Variants in SYK observed in about 807,000 individuals in gnomAD.
SYK encodes tyrosine-protein kinase SYK.
In SYK, 16 loss-of-function variants were observed where a neutral mutation model predicts 77.8. The ratio of observed to expected loss-of-function variants is 0.21; its 90% confidence interval spans 0.14 to 0.31. The LOEUF is 0.31. SYK is among the 10% of genes least tolerant of loss of function. The pLI is 1.00. For synonymous variants in SYK, 312 were observed against 308.7 expected (o/e 1.01, Z -0.11); for missense variants, 529 against 814.4 (o/e 0.65, Z 4.26).
At chr9:90,851,794 C>A (rs1826833853) in intron 3 of SYK, among the ~76,000 whole-genome samples, 1 of 152,126 alleles carries the variant, frequency 6.6e-6, no homozygotes, top group South Asian at 2.1e-4. Context: ...AATTATATAT[C>A]CCTTCCCCAA....
rs961235368 is a variant in SYK, at chr9:90,855,093, G to A, written c.579-7113G>A. Among the ~76,000 whole-genome samples, 3 of 151,678 alleles carry A rather than the reference G, an allele frequency of 2.0e-5. No individual in the cohort carries two copies. The East Asian group carries it at 5.8e-4, about 29-fold the overall frequency. ...TGTGGACCTGTGCACAACCTGTGGG[G>A]CCCAACTTAAAGTACTGCATCCATT... On this transcript the variant is annotated intron_variant, in intron 3 of 13. Coordinates refer to ENST00000375754, the MANE Select transcript of SYK (RefSeq NM_003177.7).
intron 1 of SYK, among the ~76,000 whole-genome samples, chr9:90,827,123 C>G (rs1417972111): frequency 6.6e-6 from 1 of 151,820 alleles, no homozygotes; most frequent in African/African-American, 2.4e-5. Context: ...GAAAACCTCG[C>G]TATACCCATT....
At chr9:90,841,730 T>A (rs1027185588) in intron 1 of SYK, among the ~76,000 whole-genome samples, 1 of 151,274 alleles carries the variant, frequency 6.6e-6, no homozygotes, top group Non-Finnish European at 1.5e-5. Flanking sequence ...GTACTGTGTG[T>A]GGTGTGTATG....
At chr9:90,884,269 GTA>G (rs941597475) in intron 11 of SYK, among the ~76,000 whole-genome samples, 7 of 110,858 alleles carry the variant, frequency 6.3e-5, no homozygotes, top group African/African-American at 2.5e-4. Flanking sequence ...ACACATACGT[GTA>G]TATATACACA....
chr9:90,810,840 C>T (rs915807517), intron 1 of SYK, among the ~76,000 whole-genome samples: 21 of 152,176 alleles, frequency 1.4e-4, no homozygotes, highest in African/African-American at 5.1e-4. Context: ...TAAAGTGAAG[C>T]TGCTGTGGGG....
intron 3 of SYK, among the ~76,000 whole-genome samples, chr9:90,854,994 T>TCA (rs1287876789): frequency 7.9e-4 from 76 of 96,186 alleles, no homozygotes; most frequent in African/African-American, 2.9e-3. Context: ...TCTCTCTCTC[T>TCA]CACACACACA....
chr9:90,824,401 G>A (rs775728023), intron 1 of SYK, among the ~76,000 whole-genome samples: 14 of 151,998 alleles, frequency 9.2e-5, no homozygotes, highest in Non-Finnish European at 1.5e-4. Context: ...CAGATTTCAC[G>A]TAATACCAAA....
intron 3 of SYK, among the ~76,000 whole-genome samples, chr9:90,855,140 A>C (rs1826979490): frequency 6.6e-6 from 1 of 152,080 alleles, no homozygotes; most frequent in African/African-American, 2.4e-5. Flanking sequence ...ATCCTAATTT[A>C]GGTTTGTTTC....
At chr9:90,850,670 G>A (rs1283204050) in intron 3 of SYK, among the ~76,000 whole-genome samples, 1 of 151,654 alleles carries the variant, frequency 6.6e-6, no homozygotes, top group Non-Finnish European at 1.5e-5. Flanking sequence ...CACTTTCATC[G>A]TGAGTACCAA....
At chr9:90,841,642 G>C (rs1372365452) in intron 1 of SYK, among the ~76,000 whole-genome samples, 1 of 149,938 alleles carries the variant, frequency 6.7e-6, no homozygotes, top group Admixed American at 6.6e-5. Flanking sequence ...ATGTAGTGTA[G>C]CATGTGTTTA....
chr9:90,819,324 A>C (rs1370546437), intron 1 of SYK, among the ~76,000 whole-genome samples: 6 of 152,216 alleles, frequency 3.9e-5, no homozygotes, highest in Non-Finnish European at 5.9e-5. Flanking sequence ...TAATCCCCAA[A>C]TCAATAACCA....
At chr9:90,835,077 C>T (rs10993704) in intron 1 of SYK, among the ~76,000 whole-genome samples, 9,478 of 150,938 alleles carry the variant, frequency 0.063, 403 homozygotes, top group Non-Finnish European at 0.088. Flanking sequence ...AGACAGCCCC[C>T]GACCCTACAC....
At chr9:90,841,605 CGTGT>C (rs1327075469) in intron 1 of SYK, among the ~76,000 whole-genome samples, 1 of 135,404 alleles carries the variant, frequency 7.4e-6, no homozygotes, top group East Asian at 2.3e-4. Flanking sequence ...TGGTGTGTTT[CGTGT>C]GTGTTTTGTG....
intron 13 of SYK, among the ~76,000 whole-genome samples, chr9:90,892,810 G>A (rs541934961): frequency 2.0e-5 from 3 of 152,332 alleles, no homozygotes; most frequent in South Asian, 2.1e-4. Flanking sequence ...GGCCTCTGCC[G>A]AATGGAGAAA....
intron 13 of SYK, among the ~76,000 whole-genome samples, chr9:90,890,967 C>T (rs560419682): frequency 9.9e-5 from 15 of 152,198 alleles, no homozygotes; most frequent in Admixed American, 8.5e-4. Flanking sequence ...GTGGTTCTTC[C>T]GGCTCCGTGT....
At chr9:90,865,937 T>C (rs940157151) in intron 6 of SYK, among the ~76,000 whole-genome samples, 22 of 140,898 alleles carry the variant, frequency 1.6e-4, no homozygotes, top group Admixed American at 2.2e-4. Context: ...CTCGCTCTGT[T>C]GCCCAGGCTG....
At position 90,896,747 on chromosome 9, in the gene SYK, T is replaced by C; in HGVS notation, c.*1147T>C. ...CATCACCCATTGATTTCAGTTTTGC[T>C]GTACCTCTTGAAAGTTAAAGAGACA... On this transcript the variant is annotated 3_prime_UTR_variant, in exon 14 of 14. Coordinates refer to ENST00000375754, the MANE Select transcript of SYK (RefSeq NM_003177.7). 4.4e-6 allele frequency: 1 copy of C among 228,248 alleles called. No individual in the cohort carries two copies. Among genetic ancestry groups the C allele is most frequent in the African/African-American group, 2.2e-5 (1 of 45,230 alleles). 14.1% of individuals were successfully genotyped at this position (228,248 alleles called of 1,614,324 possible).
chr9:90,856,812 T>A (rs1435905688), intron 3 of SYK, among the ~76,000 whole-genome samples: 1 of 152,222 alleles, frequency 6.6e-6, no homozygotes, highest in Non-Finnish European at 1.5e-5. Flanking sequence ...TCCTTATGTT[T>A]TCAGTGATCT....
chr9:90,804,069 A>G (rs1824722894), intron 1 of SYK, among the ~76,000 whole-genome samples: 2 of 151,982 alleles, frequency 1.3e-5, no homozygotes, highest in South Asian at 4.2e-4. Context: ...CAGCTGAGGG[A>G]CTGAGTCTGT....
Sources: gnomAD v4.1 joint callset for allele counts (sites outside exome capture counted in the v4.1 genomes callset) on GRCh38, gnomAD v4.1.1 for gene constraint, MANE v1.5 for transcripts, NCBI Gene and HGNC (gene_info 2026-07-23, HGNC 2026-07-21) for gene names.